The following COL11A1 variants were observed in gnomAD, a reference collection of about 807,000 sequenced individuals.
The protein encoded by COL11A1 is collagen alpha-1(XI) chain.
A neutral mutation model predicts 265.2 loss-of-function variants in COL11A1; 74 were observed. That is an observed-to-expected ratio of 0.28 (90% CI 0.23 to 0.34). The LOEUF (loss-of-function observed/expected upper bound fraction) is 0.34. Ranked by LOEUF, COL11A1 falls within the 10% of genes least tolerant of loss-of-function variation. The pLI is 1.00. For missense variants in COL11A1, 2,165 were observed against 2,263.6 expected (o/e 0.96, Z 0.88); for synonymous variants, 816 against 727.6 (o/e 1.12, Z -1.96).
chr1:102,913,218 T>A (rs1402086764), intron 53 of COL11A1, among the ~76,000 whole-genome samples: 2 of 150,992 alleles, frequency 1.3e-5, no homozygotes, highest in Admixed American at 1.3e-4. Flanking sequence ...AAGTTTTTTT[T>A]AAAAAGGCCT....
chr1:103,107,441 C>T (rs1674787471), intron 1 of COL11A1, among the ~76,000 whole-genome samples: 1 of 151,854 alleles, frequency 6.6e-6, no homozygotes, highest in Admixed American at 6.6e-5. Context: ...CTATCTTGAA[C>T]CTATTCCTAA....
At chr1:102,953,821 C>A (rs1000555120) in intron 41 of COL11A1, among the ~76,000 whole-genome samples, 1 of 152,118 alleles carries the variant, frequency 6.6e-6, no homozygotes, top group African/African-American at 2.4e-5. Flanking sequence ...TTAATCCTAA[C>A]TTTTAACTAT....
At chr1:103,095,009 A>G (rs1673633056) in intron 1 of COL11A1, among the ~76,000 whole-genome samples, 1 of 152,088 alleles carries the variant, frequency 6.6e-6, no homozygotes, top group African/African-American at 2.4e-5. Flanking sequence ...CCAACAAAAC[A>G]AAGTACAAAA....
At chr1:103,029,979 T>A (rs1356269030) in intron 5 of COL11A1, among the ~76,000 whole-genome samples, 2 of 152,060 alleles carry the variant, frequency 1.3e-5, no homozygotes, top group Non-Finnish European at 2.9e-5. Flanking sequence ...ACAGATCTCA[T>A]CAACCTTGAA....
At chr1:102,887,637 TGG>T (rs769420678) in intron 62 of COL11A1, among the ~76,000 whole-genome samples, 4 of 152,190 alleles carry the variant, frequency 2.6e-5, no homozygotes, top group Non-Finnish European at 4.4e-5. Flanking sequence ...CATATTGTCA[TGG>T]GTTGAATTGT....
At chr1:103,094,586 C>T (rs561185690) in intron 1 of COL11A1, among the ~76,000 whole-genome samples, 63 of 152,094 alleles carry the variant, frequency 4.1e-4, no homozygotes, top group East Asian at 9.7e-4. Context: ...AAGATCAGCC[C>T]CTTGTCTTCC....
intron 42 of COL11A1, among the ~76,000 whole-genome samples, chr1:102,945,024 C>G (rs1659105915): frequency 6.6e-6 from 1 of 152,102 alleles, no homozygotes; most frequent in South Asian, 2.1e-4. Context: ...CATTCTAACT[C>G]TTTCTGAAAG....
At chr1:103,078,628 G>A in intron 3 of COL11A1, 30 bp downstream of exon 3, 3 of 1,585,600 alleles carry the variant, frequency 1.9e-6, no homozygotes, top group Non-Finnish European at 2.6e-6. Context: ...TTTTGGCATA[G>A]CTAAAACATT....
intron 6 of COL11A1, 48 bp downstream of exon 6, chr1:103,026,168 A>T (rs972340520): frequency 4.4e-6 from 6 of 1,360,798 alleles, no homozygotes; most frequent in Middle Eastern, 1.8e-4. Context: ...GAACCACAGG[A>T]TGACGAACAG....
intron 46 of COL11A1, among the ~76,000 whole-genome samples, chr1:102,925,217 A>G (rs917204106): frequency 2.6e-5 from 4 of 152,084 alleles, no homozygotes; most frequent in Non-Finnish European, 5.9e-5. Flanking sequence ...AACCATGCGC[A>G]TGTAAAGTAG....
chr1:103,066,494 A>T (rs1671158842), intron 4 of COL11A1, among the ~76,000 whole-genome samples: 1 of 151,494 alleles, frequency 6.6e-6, no homozygotes, highest in South Asian at 2.1e-4. Flanking sequence ...AAAAAATAGC[A>T]AAAATCCAAT....
intron 1 of COL11A1, among the ~76,000 whole-genome samples, chr1:103,092,990 A>C (rs999207341): frequency 5.9e-5 from 9 of 152,096 alleles, no homozygotes; most frequent in South Asian, 2.1e-4. Context: ...ACAAAAAAAA[A>C]CAGAAAAAGA....
intron 37 of COL11A1, 125 bp from the exon 38 acceptor site, chr1:102,965,665 C>A: frequency 1.4e-6 from 1 of 738,034 alleles, no homozygotes; most frequent in Non-Finnish European, 2.3e-6. Flanking sequence ...TATTTATTTT[C>A]AAATGCTTAA....
intron 41 of COL11A1, among the ~76,000 whole-genome samples, chr1:102,961,565 T>C (rs1045677808): frequency 5.9e-5 from 9 of 152,240 alleles, no homozygotes; most frequent in Non-Finnish European, 1.2e-4. Context: ...TCTCCAGGCA[T>C]TCCGTGACTA....
At chr1:103,052,924 A>C (rs1390750209) in intron 4 of COL11A1, among the ~76,000 whole-genome samples, 4 of 152,222 alleles carry the variant, frequency 2.6e-5, no homozygotes, top group Admixed American at 2.6e-4. Flanking sequence ...ACAACCTGGT[A>C]ATTACAGACA....
In COL11A1 at chr1:102,877,284, A is replaced by G. The variant is rs935455340; in HGVS notation, c.*735T>C. 1.3e-5 allele frequency: 2 copies of G among 152,576 alleles called. No homozygotes were observed. Among genetic ancestry groups the G allele is most frequent in the East Asian group, 3.8e-4 (2 of 5,198 alleles). The allele number at this position is 152,576 out of a possible 1,614,324, so 9.5% of individuals were successfully genotyped here. A position where few individuals can be genotyped will look rare whatever the true frequency, so the allele number is the denominator to read the frequency against. On this transcript the variant is annotated 3_prime_UTR_variant, in exon 67 of 67. Coordinates refer to ENST00000370096, the MANE Select transcript of COL11A1 (RefSeq NM_001854.4). ...AAAGTTTGAGGTATAGCCTTGAATA[A>G]AGCATCAAAATGCATAATATTTTTG... is the stretch of plus-strand genomic sequence containing the variant.
chr1:102,878,641 G>C (rs991047532), intron 66 of COL11A1, among the ~76,000 whole-genome samples: 1 of 150,434 alleles, frequency 6.6e-6, no homozygotes, highest in Non-Finnish European at 1.5e-5. Flanking sequence ...CTCCTGAGTA[G>C]CTGGACCTAC....
At position 102,876,510 on chromosome 1, in the gene COL11A1, C is replaced by G. The variant is rs1327236206; in HGVS notation, c.*1509G>C. 6.6e-6 allele frequency: 1 copy of G among 152,370 alleles called. No individual in the cohort carries two copies. The highest frequency in any genetic ancestry group is 1.5e-5 in the Non-Finnish European group (1 of 67,896). The allele number at this position is 152,370 out of a possible 1,614,324, so 9.4% of individuals were successfully genotyped here. A position where few individuals can be genotyped will look rare whatever the true frequency, so the allele number is the denominator to read the frequency against. On this transcript the variant is annotated 3_prime_UTR_variant, in exon 67 of 67. Transcript: ENST00000370096. ...GAGTTTATTTATTGGATTCATATCT[C>G]CCTTCTTAAAAGGACATTTACAAAC...
At chr1:102,920,737 C>A (rs961713120) in intron 48 of COL11A1, among the ~76,000 whole-genome samples, 1 of 152,130 alleles carries the variant, frequency 6.6e-6, no homozygotes, top group Non-Finnish European at 1.5e-5. Context: ...ACGCAAGAAA[C>A]AAACCCCTTA....
Sources: gnomAD v4.1 joint callset for allele counts (sites outside exome capture counted in the v4.1 genomes callset) on GRCh38, gnomAD v4.1.1 for gene constraint, MANE v1.5 for transcripts, NCBI Gene and HGNC (gene_info 2026-07-23, HGNC 2026-07-21) for gene names.